Variants in DOCK3 observed in about 807,000 individuals in gnomAD.
The protein encoded by DOCK3 is dedicator of cytokinesis 3, also known as dedicator of cytokinesis protein 3.
Under a neutral mutation model 265.6 loss-of-function variants are expected in DOCK3, and 60 were observed. That is an observed-to-expected ratio of 0.23 (90% CI 0.18 to 0.28). The LOEUF is 0.28. Ranked by LOEUF, DOCK3 falls within the 10% of genes least tolerant of loss-of-function variation. DOCK3 has a pLI of 1.00. For synonymous variants in DOCK3, 881 were observed against 938.0 expected, an observed-to-expected ratio of 0.94 and a Z score of 1.11; for missense variants, 1,981 against 2,594.3, an observed-to-expected ratio of 0.76 and a Z score of 5.14.
Position 50,683,532 on chromosome 3 carries a change from G to A in DOCK3, c.37+8232G>A, listed in dbSNP as rs182196477. On this transcript the variant is annotated intron_variant, in intron 1 of 52. Coordinates refer to ENST00000266037, the MANE Select transcript of DOCK3 (RefSeq NM_004947.5). The stretch of plus-strand genomic sequence containing the variant: ...GTTGTGATTTGAATGCAGATTATCT[G>A]TATGAACATTTTATGATAGTGCCAG... 1.0e-3 allele frequency among the ~76,000 whole-genome samples: 157 copies of A among 152,280 alleles called. 1 individual carries two copies. The highest frequency in any genetic ancestry group is 7.7e-3 in the East Asian group (40 of 5,178).
chr3:50,954,644 G>C (rs1010111069), intron 5 of DOCK3, among the ~76,000 whole-genome samples: 1 of 152,064 alleles, frequency 6.6e-6, no homozygotes, highest in African/African-American at 2.4e-5. Flanking sequence ...AAAAATGCCT[G>C]TTCATGTCCT....
At chr3:51,048,866 A>C (rs2080879089) in intron 5 of DOCK3, among the ~76,000 whole-genome samples, 2 of 152,054 alleles carry the variant, frequency 1.3e-5, no homozygotes, top group Non-Finnish European at 2.9e-5. Context: ...CCATCTCAAA[A>C]AAAAAAAACA....
chr3:51,030,029 G>A (rs372705792), intron 5 of DOCK3, among the ~76,000 whole-genome samples: 119 of 152,226 alleles, frequency 7.8e-4, no homozygotes, highest in African/African-American at 2.7e-3. Context: ...ATTATCAGAG[G>A]GGGAAGGGGA....
chr3:51,380,911 C>G, intron 52 of DOCK3, 139 bp from the exon 53 acceptor site: 1 of 1,123,346 alleles, frequency 8.9e-7, no homozygotes, highest in Non-Finnish European at 1.3e-6. Flanking sequence ...GAGCTGGGAG[C>G]TTGCTGCTGA....
intron 5 of DOCK3, among the ~76,000 whole-genome samples, chr3:51,058,172 C>A (rs1201744922): frequency 2.0e-5 from 3 of 152,152 alleles, no homozygotes; most frequent in African/African-American, 7.2e-5. Context: ...CAAGAACATG[C>A]ATTCCAAAAT....
intron 5 of DOCK3, among the ~76,000 whole-genome samples, chr3:50,956,990 C>T (rs548251602): frequency 2.0e-5 from 3 of 152,274 alleles, no homozygotes; most frequent in African/African-American, 7.2e-5. Context: ...CGCCTTCGCT[C>T]CTGGCCTCAA....
intron 3 of DOCK3, among the ~76,000 whole-genome samples, chr3:50,857,671 G>C (rs2046670266): frequency 6.6e-6 from 1 of 152,242 alleles, no homozygotes; most frequent in South Asian, 2.1e-4. Context: ...ACAGACACAT[G>C]AAAAAATGTT....
At chr3:51,271,100 T>C in intron 24 of DOCK3, 93 bp downstream of exon 24, 1 of 1,384,192 alleles carries the variant, frequency 7.2e-7, no homozygotes, top group East Asian at 2.3e-5. Context: ...AAGGATCAGT[T>C]TCCTCAACGA....
chr3:51,213,038 T>C (rs2089599380), intron 13 of DOCK3, among the ~76,000 whole-genome samples: 1 of 152,138 alleles, frequency 6.6e-6, no homozygotes. Context: ...AACTCTTCTA[T>C]CTGACTTCTC....
chr3:51,360,447 C>T (rs535679944), intron 46 of DOCK3, 64 bp from the exon 47 acceptor site: 1 of 1,547,712 alleles, frequency 6.5e-7, no homozygotes, highest in African/African-American at 1.4e-5. Flanking sequence ...CAGTTATTCC[C>T]TCACATCCCT....
chr3:50,713,259 T>C (rs1314168294), intron 1 of DOCK3, among the ~76,000 whole-genome samples: 6 of 152,218 alleles, frequency 3.9e-5, no homozygotes, highest in Non-Finnish European at 7.3e-5. Context: ...TTTATTTTTC[T>C]CCAGGGGTAT....
chr3:51,135,363 G>C (rs948630466), intron 9 of DOCK3, among the ~76,000 whole-genome samples: 1 of 152,140 alleles, frequency 6.6e-6, no homozygotes, highest in Non-Finnish European at 1.5e-5. Context: ...TTACCAACCT[G>C]GCTTCTGCAT....
chr3:50,890,673 A>ATT (rs963619990), intron 4 of DOCK3, among the ~76,000 whole-genome samples: 1 of 152,080 alleles, frequency 6.6e-6, no homozygotes, highest in Non-Finnish European at 1.5e-5. Context: ...ATTTTTCAAA[A>ATT]TTTATTATTT....
intron 22 of DOCK3, among the ~76,000 whole-genome samples, chr3:51,251,164 C>A (rs1030268201): frequency 6.6e-5 from 10 of 152,162 alleles, no homozygotes; most frequent in Admixed American, 5.9e-4. Flanking sequence ...ATGATGGATT[C>A]CAGCTTCATC....
intron 10 of DOCK3, among the ~76,000 whole-genome samples, chr3:51,156,752 A>C (rs2085870863): frequency 6.6e-6 from 1 of 152,176 alleles, no homozygotes; most frequent in Admixed American, 6.5e-5. Context: ...AATTATACTT[A>C]AGGCTTCTTT....
chr3:51,357,203 C>G (rs2086423233), intron 44 of DOCK3, 62 bp downstream of exon 44: 1 of 1,549,162 alleles, frequency 6.5e-7, no homozygotes, highest in South Asian at 1.2e-5. Context: ...GGCTCACAGG[C>G]TTCTCTTTTC....
In DOCK3 at chr3:51,358,098, C is replaced by T. The variant is rs774965967; in HGVS notation, c.4884+21C>T. 16 of 1,608,098 alleles carry T rather than the reference C, an allele frequency of 9.9e-6. No individual in the cohort carries two copies. The South Asian group carries it at 1.3e-4, about 13-fold the overall frequency. The stretch of plus-strand genomic sequence containing the variant: ...ACCATGTAAGTTGATCCCTGTCCTG[C>T]CCCTGCTGCAGTAGAACCAGGTGTC... On this transcript the variant is annotated intron_variant, in intron 46 of 52. Transcript: ENST00000266037.
At position 50,890,094 on chromosome 3, in the gene DOCK3, C is replaced by A; in HGVS notation, c.218+13C>A. 2 of 1,424,820 alleles carry A rather than the reference C, an allele frequency of 1.4e-6. No individual in the cohort carries two copies. The highest frequency in any genetic ancestry group is 3.4e-5 in the Admixed American group (1 of 29,380). 88.3% of individuals were successfully genotyped at this position (1,424,820 alleles called of 1,614,324 possible). On this transcript the variant is annotated intron_variant, in intron 4 of 52. Coordinates refer to ENST00000266037, the MANE Select transcript of DOCK3 (RefSeq NM_004947.5). ...TCAGTAATAGGGGGTGAGTAATTGG[C>A]CTTACTAAATTTATGTACAATTTTT...
rs182283442 is a variant in DOCK3, at chr3:50,913,853, A to G, written c.219-20128A>G. 3.3e-5 allele frequency among the ~76,000 whole-genome samples: 5 copies of G among 152,068 alleles called. No individual in the cohort carries two copies. In the East Asian group the frequency reaches 9.6e-4, roughly 29 times the overall value. ...TATTGGCGATTCACGATTGTTTTTT[A>G]TACCTCTTTAGTGCCTGTTTCAGCA... On this transcript the variant is annotated intron_variant, in intron 4 of 52. Coordinates refer to ENST00000266037, the MANE Select transcript of DOCK3 (RefSeq NM_004947.5).
Sources: allele counts gnomAD v4.1 joint callset (sites outside exome capture counted in the v4.1 genomes callset), GRCh38; gene constraint gnomAD v4.1.1; transcripts MANE v1.5; gene names NCBI Gene and HGNC (gene_info 2026-07-23, HGNC 2026-07-21).